The following LTBP1 variants were observed in gnomAD, a reference collection of about 807,000 sequenced individuals.
LTBP1 encodes latent-transforming growth factor beta-binding protein 1.
In LTBP1, 129 loss-of-function variants were observed where a neutral mutation model predicts 207.6. That is an observed-to-expected ratio of 0.62 (90% CI 0.54 to 0.72). The LOEUF (loss-of-function observed/expected upper bound fraction) is 0.72, where lower values mean the gene tolerates loss of function less well. Ranked by LOEUF, LTBP1 falls within the 30% of genes least tolerant of loss-of-function variation. The pLI is 0.00. For missense variants in LTBP1, 2,281 were observed against 2,217.2 expected, an observed-to-expected ratio of 1.03 and a Z score of -0.58; for synonymous variants, 963 against 833.7, an observed-to-expected ratio of 1.16 and a Z score of -2.67.
intron 24 of LTBP1, among the ~76,000 whole-genome samples, chr2:33,331,497 A>G (rs1471972172): frequency 2.0e-5 from 3 of 152,100 alleles, no homozygotes; most frequent in Non-Finnish European, 4.4e-5. Context: ...ATTTCACTTA[A>G]TATCCAGATG....
Position 33,187,039 on chromosome 2 carries a change from A to G in LTBP1, c.1385A>G (p.His462Arg), listed in dbSNP as rs752651855. The change falls in exon 6 of 34, where the codon CAT becomes CGT. Residue 462 changes from histidine (H) to arginine (R), a missense_variant. Coordinates refer to ENST00000404816, the MANE Select transcript of LTBP1 (RefSeq NM_206943.4). ...GGGACGCATGTCATCCATTCAACAC[A>G]TACCTTGCCTCTGACCGTGACTAGC... ...ALGTHVIHST[H>R]TLPLTVTSQQ... is the part of the protein sequence containing the mutation. 6.8e-6 allele frequency: 11 copies of G among 1,614,024 alleles called. No individual in the cohort carries two copies. The highest frequency in any genetic ancestry group is 4.0e-5 in the African/African-American group (3 of 74,910).
intron 4 of LTBP1, among the ~76,000 whole-genome samples, chr2:33,114,756 GAT>G (rs1432898152): frequency 6.6e-6 from 1 of 152,034 alleles, no homozygotes; most frequent in Non-Finnish European, 1.5e-5. Context: ...AAAACCTTTT[GAT>G]ATTGGTGGAA....
intron 10 of LTBP1, among the ~76,000 whole-genome samples, chr2:33,244,495 T>A (rs2149792829): frequency 6.6e-6 from 1 of 152,252 alleles, no homozygotes; most frequent in Non-Finnish European, 1.5e-5. Context: ...TCCCTCTCCG[T>A]GTAAATTAAT....
At chr2:33,397,547 G>A (rs969670751) in intron 33 of LTBP1, among the ~76,000 whole-genome samples, 9 of 108,496 alleles carry the variant, frequency 8.3e-5, no homozygotes, top group African/African-American at 2.3e-4. Context: ...TACTCTTGTC[G>A]CCCAGGCTGG....
At chr2:33,260,077 C>G (rs2147944714) in intron 13 of LTBP1, among the ~76,000 whole-genome samples, 1 of 152,276 alleles carries the variant, frequency 6.6e-6, no homozygotes, top group Non-Finnish European at 1.5e-5. Flanking sequence ...ACAGAACTTA[C>G]ACTTAAAAGT....
intron 3 of LTBP1, among the ~76,000 whole-genome samples, chr2:33,083,726 TTACCTTA>T (rs1453745620): frequency 1.3e-5 from 2 of 152,200 alleles, no homozygotes. Flanking sequence ...TACTTATATG[TTACCTTA>T]AGGCAGAGCT....
rs188988132 is a variant in LTBP1, at chr2:33,355,688, C to T, written c.4001-4909C>T. The stretch of plus-strand genomic sequence containing the variant: ...CTTTTCCACTCTAGAGTAATATCCC[C>T]GACTTTTTCTTCTCCTCACCCTCTC... On this transcript the variant is annotated intron_variant, in intron 26 of 33. Coordinates refer to ENST00000404816, the MANE Select transcript of LTBP1 (RefSeq NM_206943.4). Among the ~76,000 whole-genome samples, 172 of 152,084 alleles carry T rather than the reference C, an allele frequency of 1.1e-3. 1 individual carries two copies. The highest frequency in any genetic ancestry group is 3.7e-3 in the African/African-American group (155 of 41,506).
chr2:33,309,013 T>C (rs2094141204), intron 22 of LTBP1, among the ~76,000 whole-genome samples: 1 of 152,216 alleles, frequency 6.6e-6, no homozygotes, highest in Non-Finnish European at 1.5e-5. Context: ...CCAGGTGTGG[T>C]GGCTCATGTC....
At chr2:33,390,428 G>T (rs1442363872) in intron 32 of LTBP1, among the ~76,000 whole-genome samples, 1 of 152,008 alleles carries the variant, frequency 6.6e-6, no homozygotes, top group Non-Finnish European at 1.5e-5. Flanking sequence ...ACAGGAAAAC[G>T]CCCATTTTGA....
At chr2:33,208,814 G>A (rs1043724960) in intron 7 of LTBP1, among the ~76,000 whole-genome samples, 1 of 151,960 alleles carries the variant, frequency 6.6e-6, no homozygotes, top group African/African-American at 2.4e-5. Flanking sequence ...GTTTGTGTGG[G>A]AGGTGGGGAG....
chr2:33,079,220 T>G (rs116051998), intron 3 of LTBP1, among the ~76,000 whole-genome samples: 1 of 152,156 alleles, frequency 6.6e-6, no homozygotes, highest in Non-Finnish European at 1.5e-5. Context: ...TAAATGAAGG[T>G]CTTAGTCCTC....
intron 32 of LTBP1, among the ~76,000 whole-genome samples, chr2:33,394,392 T>G (rs537977251): frequency 6.6e-6 from 1 of 152,324 alleles, no homozygotes; most frequent in African/African-American, 2.4e-5. Context: ...CTGAATGGTA[T>G]TGCCTAGGTT....
intron 33 of LTBP1, among the ~76,000 whole-genome samples, chr2:33,397,894 A>G (rs2095374190): frequency 6.6e-6 from 1 of 152,010 alleles, no homozygotes; most frequent in Admixed American, 6.6e-5. Flanking sequence ...TGTCTGTAAA[A>G]TAGGTAACCT....
At chr2:33,397,503 A>AT (rs1459402012) in intron 33 of LTBP1, among the ~76,000 whole-genome samples, 2 of 77,888 alleles carry the variant, frequency 2.6e-5, no homozygotes, top group African/African-American at 1.0e-4. Context: ...TTTTACCACA[A>AT]TTCTTTTTTT....
chr2:33,035,079 G>A (rs919171210), intron 3 of LTBP1, among the ~76,000 whole-genome samples: 3 of 152,156 alleles, frequency 2.0e-5, no homozygotes, highest in African/African-American at 7.2e-5. Context: ...TGCCGTAGCC[G>A]ACCCTTGGTT....
intron 31 of LTBP1, among the ~76,000 whole-genome samples, chr2:33,374,034 C>T (rs1314822362): frequency 2.0e-5 from 3 of 152,072 alleles, no homozygotes; most frequent in African/African-American, 4.8e-5. Flanking sequence ...GGCTCTTAGA[C>T]GCTCCCAAAG....
In LTBP1 at chr2:33,152,906, T is replaced by C. The variant is rs186994794; in HGVS notation, c.1201+17946T>C. Among the ~76,000 whole-genome samples, 92 of 152,360 alleles carry C rather than the reference T, an allele frequency of 6.0e-4. 1 individual carries two copies. The highest frequency in any genetic ancestry group is 2.1e-3 in the African/African-American group (89 of 41,594). Reference sequence around the variant, plus strand: ...TGAATCTTTAGGGAGACCTGAGTTTTAATAGTGGTGCTGCTACTTGGACAA... The same window carrying C: ...TGAATCTTTAGGGAGACCTGAGTTTCAATAGTGGTGCTGCTACTTGGACAA... On this transcript the variant is annotated intron_variant, in intron 5 of 33. Transcript: ENST00000404816.
In LTBP1 at chr2:33,363,455, C is replaced by A; in HGVS notation, c.4336C>A (p.Pro1446Thr). ...CKNGFCLNTR[P>T]GYECYCKQGT... is the part of the protein sequence containing the mutation. ...AAATGGTTTCTGTTTGAACACTCGG[C>A]CTGGGTATGAATGCTACTGTAAGCA... is the stretch of plus-strand genomic sequence containing the variant. The change falls in exon 29 of 34, where the codon CCT (proline) becomes ACT (threonine). Residue 1446 changes from proline to threonine, a missense_variant. Around this residue, in one of 3 missense-constraint regions of LTBP1, gnomAD observed 1,671 missense variants for 1,634.8 expected, o/e 1.02. Transcript: ENST00000404816. 2 of 1,613,874 alleles carry A rather than the reference C, an allele frequency of 1.2e-6. No homozygotes were observed. The highest frequency in any genetic ancestry group is 1.7e-6 in the Non-Finnish European group (2 of 1,179,852).
At chr2:33,063,121 T>C (rs2077347261) in intron 3 of LTBP1, 1 of 152,218 alleles carries the variant, frequency 6.6e-6, no homozygotes, top group African/African-American at 2.4e-5. Flanking sequence ...AATCAAGTTG[T>C]GTAAGCCCTC....
Sources: gnomAD v4.1 joint callset for allele counts (sites outside exome capture counted in the v4.1 genomes callset) on GRCh38, gnomAD v4.1.1 for gene constraint, gnomAD v4.1.1 regional missense constraint, MANE v1.5 for transcripts, NCBI Gene and HGNC (gene_info 2026-07-23, HGNC 2026-07-21) for gene names.